ACSF2: variants seen among roughly 807,000 people sequenced by gnomAD.
ACSF2 encodes the protein acyl-CoA synthetase family member 2.
ACSF2 carries 52 observed loss-of-function variants against 79.3 expected under a neutral mutation model. The ratio of observed to expected loss-of-function variants is 0.66; its 90% CI spans 0.53 to 0.83. The LOEUF is 0.83. Ranked by LOEUF, ACSF2 falls within the 40% of genes least tolerant of loss-of-function variation. The probability of loss-of-function intolerance (pLI) is 0.00; values close to 1 mark genes in which losing one functional copy is unlikely to be tolerated. For missense variants in ACSF2, 661 were observed against 803.3 expected (o/e 0.82, Z 2.14); for synonymous variants, 283 against 312.6 (o/e 0.91, Z 1.00).
chr17:50,428,114 A>G (rs1440243974), intron 1 of ACSF2, among the ~76,000 whole-genome samples: 1 of 152,186 alleles, frequency 6.6e-6, no homozygotes, highest in Non-Finnish European at 1.5e-5. Flanking sequence ...ACTTGAGCCC[A>G]GGAGTTCAAG....
intron 1 of ACSF2, among the ~76,000 whole-genome samples, chr17:50,448,114 C>T (rs1482929909): frequency 5.3e-5 from 8 of 151,792 alleles, no homozygotes; most frequent in African/African-American, 1.9e-4. Flanking sequence ...TCATCAAGTG[C>T]ACTTACACAA....
In ACSF2 at chr17:50,462,465, G is replaced by A. The variant is rs766896767; in HGVS notation, c.672G>A (p.Pro224=). 50 of 1,588,334 alleles carry A rather than the reference G, an allele frequency of 3.1e-5. No homozygotes were observed. In the East Asian group the frequency reaches 6.1e-4, roughly 20 times the overall value. ...TCATCTCGGTGGATGCCCCTTTGCCGGGGACCCTGCTCCTGGATGAAGTGG... is the reference window on the plus strand; with the variant it reads ...TCATCTCGGTGGATGCCCCTTTGCCAGGGACCCTGCTCCTGGATGAAGTGG... ...TTVISVDAPL[P]GTLLLDEVVA... is the part of the protein sequence containing the mutation. The change falls in exon 6 of 16, where the codon CCG becomes CCA. Residue 224 remains proline (P), a synonymous_variant. Coordinates refer to ENST00000300441, the MANE Select transcript of ACSF2 (RefSeq NM_025149.6).
At chr17:50,447,988 C>T (rs1035570238) in intron 1 of ACSF2, among the ~76,000 whole-genome samples, 5 of 152,236 alleles carry the variant, frequency 3.3e-5, no homozygotes, top group Non-Finnish European at 5.9e-5. Context: ...CCTGCCACAG[C>T]CCAAGGTCTC....
intron 4 of ACSF2, among the ~76,000 whole-genome samples, chr17:50,461,903 G>A (rs1279248267): frequency 1.3e-5 from 2 of 150,242 alleles, no homozygotes; most frequent in Non-Finnish European, 2.9e-5. Flanking sequence ...TGCAGGGACG[G>A]GGGCATGTGT....
At chr17:50,469,100 C>T in intron 10 of ACSF2, 1 of 1,166,006 alleles carries the variant, frequency 8.6e-7, no homozygotes, top group Non-Finnish European at 1.1e-6. Context: ...CCCTGAGCCC[C>T]GGCTGTAGCC....
At chr17:50,460,965 GGGGCAATGTGCTA>G in intron 2 of ACSF2, 93 bp downstream of exon 2, 1 of 1,407,832 alleles carries the variant, frequency 7.1e-7, no homozygotes, top group Non-Finnish European at 9.6e-7. Context: ...ACCTGGCTAT[GGGGCAATGTGCTA>G]GGGCTGCCAG....
At chr17:50,434,179 T>C (rs920990220) in intron 1 of ACSF2, among the ~76,000 whole-genome samples, 2 of 150,894 alleles carry the variant, frequency 1.3e-5, no homozygotes, top group Non-Finnish European at 3.0e-5. Context: ...ATTAGTTGGG[T>C]GTGGTGGCAT....
chr17:50,451,082 G>A (rs1471978797), intron 1 of ACSF2, among the ~76,000 whole-genome samples: 1 of 152,150 alleles, frequency 6.6e-6, no homozygotes, highest in East Asian at 1.9e-4. Flanking sequence ...GACTACAGGT[G>A]TGCACCACCA....
chr17:50,473,988 CT>C lies in ACSF2; in HGVS notation c.1715del (p.Phe572SerfsTer42). 1 of 1,514,802 alleles carries C rather than the reference CT, an allele frequency of 6.6e-7. No homozygotes were observed. The highest frequency in any genetic ancestry group is 1.4e-5 in the African/African-American group (1 of 71,926). The allele number at this position is 1,514,802 out of a possible 1,614,324, so 93.8% of individuals were successfully genotyped here. On this transcript the variant is annotated frameshift_variant, in exon 14 of 16. Transcript: ENST00000300441. LOFTEE classifies it high-confidence loss of function. ...GEETTVEEIKAFCKGKISHFK... is the reference protein window; with the variant it reads ...GEETTVEEIKXFCKGKISHFK... ...GAGACCACGGTGGAGGAGATAAAAG[CT>C]TTCTGCAAAGGGAAGGTGGGAGCCT...
intron 1 of ACSF2, 78 bp from the exon 2 acceptor site, chr17:50,460,599 C>A: frequency 7.3e-7 from 1 of 1,373,430 alleles, no homozygotes; most frequent in Non-Finnish European, 1.0e-6. Flanking sequence ...TACCCCCTGG[C>A]TTGGCTGGGT....
chr17:50,451,872 A>AT lies in ACSF2; in HGVS notation c.129-8799dup, dbSNP rs370901429. Among the ~76,000 whole-genome samples the AT allele has an allele frequency of 2.1e-3, 316 of 152,226 alleles. 3 individuals are homozygous for AT. The highest frequency in any genetic ancestry group is 7.1e-3 in the African/African-American group (296 of 41,546). ...GATTACCTTCAGCAAGATGTCTACT[A>AT]TTTTTTAATTGAGTCATTATGTGCA... On this transcript the variant is annotated intron_variant, in intron 1 of 15. Transcript: ENST00000300441.
intron 10 of ACSF2, chr17:50,468,851 G>A: frequency 6.9e-7 from 1 of 1,451,824 alleles, no homozygotes; most frequent in Middle Eastern, 2.5e-4. Context: ...GGGCAGCAGC[G>A]GCGGCGGGGC....
intron 1 of ACSF2, among the ~76,000 whole-genome samples, chr17:50,427,446 G>C (rs1340614919): frequency 6.6e-6 from 1 of 152,030 alleles, no homozygotes; most frequent in African/African-American, 2.4e-5. Context: ...GTGGATCAAG[G>C]CTGGTCAGTA....
At position 50,472,221 on chromosome 17, in the gene ACSF2, C is replaced by T; in HGVS notation, c.1324-207C>T. ...CCAGCCTGGGACTCAGCTCTTCTTT[C>T]ATGCCCAGCTCAGGTCTCTCACTGG... On this transcript the variant is annotated intron_variant, in intron 11 of 15. Transcript: ENST00000300441. 2 of 553,810 alleles carry T rather than the reference C, an allele frequency of 3.6e-6. 1 individual carries two copies. Among genetic ancestry groups the T allele is most frequent in the South Asian group, 5.2e-5 (2 of 38,548 alleles). 34.3% of individuals were successfully genotyped at this position (553,810 alleles called of 1,614,324 possible).
intron 1 of ACSF2, among the ~76,000 whole-genome samples, chr17:50,431,253 G>A (rs2029898980): frequency 6.6e-6 from 1 of 152,204 alleles, no homozygotes; most frequent in Admixed American, 6.5e-5. Flanking sequence ...CATTGCTGCA[G>A]TGTACTGTGA....
intron 3 of ACSF2, 63 bp downstream of exon 3, chr17:50,461,433 C>T (rs2032319903): frequency 6.2e-7 from 1 of 1,606,646 alleles, no homozygotes; most frequent in Non-Finnish European, 8.5e-7. Context: ...AAGGGGAGCC[C>T]CTCAGGCCCT....
intron 1 of ACSF2, among the ~76,000 whole-genome samples, chr17:50,434,794 T>C (rs1254804914): frequency 6.6e-6 from 1 of 151,144 alleles, no homozygotes; most frequent in African/African-American, 2.4e-5. Context: ...CTCCTCAGGG[T>C]GGTTATGTCG....
At chr17:50,464,765 GA>G in intron 10 of ACSF2, 1 of 236,926 alleles carries the variant, frequency 4.2e-6, no homozygotes, top group Non-Finnish European at 8.0e-6. Flanking sequence ...GGTTCTGATT[GA>G]CTTGGGGGGG....
chr17:50,468,514 T>C lies in ACSF2; in HGVS notation c.1216-2514T>C, dbSNP rs1227893519. 2.5e-6 allele frequency: 4 copies of C among 1,614,134 alleles called. 1 individual carries two copies. The South Asian group carries it at 3.3e-5, about 13-fold the overall frequency. ...TATGGGACAGGTACAAGTAGATAAGTTGCTTGAGGCCGCGGAAGGCACCGG... is the reference window on the plus strand; with the variant it reads ...TATGGGACAGGTACAAGTAGATAAGCTGCTTGAGGCCGCGGAAGGCACCGG... On this transcript the variant is annotated intron_variant, in intron 10 of 15. Transcript: ENST00000300441.
Sources: gnomAD v4.1 joint callset for allele counts (sites outside exome capture counted in the v4.1 genomes callset) on GRCh38, gnomAD v4.1.1 for gene constraint, MANE v1.5 for transcripts, NCBI Gene and HGNC (gene_info 2026-07-23, HGNC 2026-07-21) for gene names.